The following RBP5 variants were observed in gnomAD, a reference collection of about 807,000 sequenced individuals.
RBP5 encodes the protein retinol-binding protein 5.
In RBP5, 12 loss-of-function variants were observed where a neutral mutation model predicts 17.8. The ratio of observed to expected loss-of-function variants is 0.67; its 90% CI spans 0.43 to 1.09. RBP5 has a LOEUF of 1.09. Ranked by LOEUF, RBP5 falls within the 50% of genes least tolerant of loss-of-function variation. RBP5 has a pLI of 0.00. For synonymous variants in RBP5, 64 were observed against 68.1 expected, an observed-to-expected ratio of 0.94 and a Z score of 0.30; for missense variants, 172 against 169.4, an observed-to-expected ratio of 1.02 and a Z score of -0.09.
chr12:7,123,383 G>A (rs74057832), downstream of RBP5, among the ~76,000 whole-genome samples: 6,455 of 152,148 alleles, frequency 0.042, 445 homozygotes, highest in African/African-American at 0.15. Context: ...CACATCCTCC[G>A]TCTACTTCCT....
At position 7,128,618 on chromosome 12, in the gene RBP5, A is replaced by G. The variant is rs994572265; in HGVS notation, c.73+85T>C. 7 of 1,345,010 alleles carry G rather than the reference A, an allele frequency of 5.2e-6. No individual in the cohort carries two copies. In the Admixed American group the frequency reaches 7.9e-5, roughly 15 times the overall value. 83.3% of individuals were successfully genotyped at this position (1,345,010 alleles called of 1,614,324 possible). The stretch of plus-strand genomic sequence containing the variant: ...CTTTCCACAGTGTCCAACCCCGGGC[A>G]TTCCCTCTTCTCCATGGGACCAAGA... On this transcript the variant is annotated intron_variant, in intron 1 of 3. Transcript: ENST00000266560. The surrounding 1 kb of genome is among the most constrained non-coding windows in gnomAD (Gnocchi z 5.3).
chr12:7,128,467 C>T lies in RBP5; in HGVS notation c.74-49G>A, dbSNP rs1041557806. ...GGGTGCTGCTAGCCAGCCAGGAGCTCCTCTGCCTGCAGCAGCCCCTCAGGG... is the reference window on the plus strand; with the variant it reads ...GGGTGCTGCTAGCCAGCCAGGAGCTTCTCTGCCTGCAGCAGCCCCTCAGGG... On this transcript the variant is annotated intron_variant, in intron 1 of 3. Coordinates refer to ENST00000266560, the MANE Select transcript of RBP5 (RefSeq NM_031491.4). This position sits in a 1 kb window ranked among gnomAD's most constrained non-coding sequence, Gnocchi z 5.3. The T allele has an allele frequency of 1.9e-6, 3 of 1,584,714 alleles. No homozygotes were observed. In the Admixed American group the frequency reaches 5.0e-5, roughly 27 times the overall value.
At chr12:7,126,296 ATAT>A (rs1373298812) in intron 2 of RBP5, among the ~76,000 whole-genome samples, 2 of 152,166 alleles carry the variant, frequency 1.3e-5, no homozygotes, top group Non-Finnish European at 2.9e-5. Flanking sequence ...AATATTCAAA[ATAT>A]TATTATTTCG....
At position 7,123,917 on chromosome 12, in the gene RBP5, A is replaced by G. The variant is rs946459549; in HGVS notation, c.*204T>C. The G allele has an allele frequency of 1.5e-5, 9 of 581,070 alleles. No homozygotes were observed. Among genetic ancestry groups the G allele is most frequent in the African/African-American group, 1.1e-4 (6 of 53,726 alleles). 36.0% of individuals were successfully genotyped at this position (581,070 alleles called of 1,614,324 possible). On this transcript the variant is annotated 3_prime_UTR_variant, in exon 4 of 4. Transcript: ENST00000266560. Reference sequence around the variant, plus strand: ...ACCTTGACCTGGAAGTGAGGTCACTATTGGGCAGTGGAGTGTGAGAAAGGA... The same window carrying G: ...ACCTTGACCTGGAAGTGAGGTCACTGTTGGGCAGTGGAGTGTGAGAAAGGA...
chr12:7,127,321 G>A (rs946306284), intron 2 of RBP5, among the ~76,000 whole-genome samples: 13 of 151,962 alleles, frequency 8.6e-5, no homozygotes, highest in Non-Finnish European at 1.8e-4. Flanking sequence ...GTAGAGATGA[G>A]GTTTCACCAT....
downstream of RBP5, among the ~76,000 whole-genome samples, chr12:7,121,213 G>A (rs770732234): frequency 2.8e-4 from 43 of 152,022 alleles, no homozygotes; most frequent in Non-Finnish European, 5.4e-4. Flanking sequence ...CCTCTTACTT[G>A]GGGTACTTAA....
At position 7,128,499 on chromosome 12, in the gene RBP5, G is replaced by T; in HGVS notation, c.74-81C>A. The T allele has an allele frequency of 6.9e-7, 1 of 1,454,182 alleles. No individual in the cohort carries two copies. Among genetic ancestry groups the T allele is most frequent in the Non-Finnish European group, 9.6e-7 (1 of 1,046,866 alleles). The allele number at this position is 1,454,182 out of a possible 1,614,324, so 90.1% of individuals were successfully genotyped here. On this transcript the variant is annotated intron_variant, in intron 1 of 3. Transcript: ENST00000266560. The surrounding 1 kb of genome is among the most constrained non-coding windows in gnomAD (Gnocchi z 5.3). ...CTGCAGCAGCCCCTCAGGGCTGTGA[G>T]TTTCCCTTCTTTGGGTCTGGGACTG...
intron 2 of RBP5, chr12:7,127,589 T>C (rs61917920): frequency 0.089 from 57,078 of 644,344 alleles, 3,309 homozygotes; most frequent in South Asian, 0.2. Flanking sequence ...CATTTGCAGT[T>C]TGCTGAAGCT....
In RBP5 at chr12:7,128,512, G is replaced by T; in HGVS notation, c.74-94C>A. 1 of 1,384,954 alleles carries T rather than the reference G, an allele frequency of 7.2e-7. No homozygotes were observed. Among genetic ancestry groups the T allele is most frequent in the East Asian group, 2.3e-5 (1 of 42,810 alleles). The allele number at this position is 1,384,954 out of a possible 1,614,324, so 85.8% of individuals were successfully genotyped here. ...TCAGGGCTGTGAGTTTCCCTTCTTTGGGTCTGGGACTGTGGATTCACCCCC... is the reference window on the plus strand; with the variant it reads ...TCAGGGCTGTGAGTTTCCCTTCTTTTGGTCTGGGACTGTGGATTCACCCCC... On this transcript the variant is annotated intron_variant, in intron 1 of 3. Transcript: ENST00000266560. The surrounding 1 kb of genome is among the most constrained non-coding windows in gnomAD (Gnocchi z 5.3).
chr12:7,125,896 AAGTAGACCC>A, intron 2 of RBP5, among the ~76,000 whole-genome samples: 6 of 152,136 alleles, frequency 3.9e-5, no homozygotes, highest in African/African-American at 1.4e-4. Flanking sequence ...TTTATGTTTT[AAGTAGACCC>A]TGTGGCTACA....
intron 2 of RBP5, among the ~76,000 whole-genome samples, chr12:7,126,996 T>A (rs1206802583): frequency 6.9e-6 from 1 of 145,440 alleles, no homozygotes; most frequent in Non-Finnish European, 1.5e-5. Context: ...GTATTTTTTT[T>A]TTTTTTTTTT....
chr12:7,127,501 G>A, intron 2 of RBP5: 1 of 602,046 alleles, frequency 1.7e-6, no homozygotes, highest in Non-Finnish European at 3.0e-6. Context: ...TCTGTAAATA[G>A]TTGCTATACT....
chr12:7,117,910 TA>T lies in RBP5; in HGVS notation n.890-604del, dbSNP rs1939025267. On this transcript the variant is annotated intron_variant and non_coding_transcript_variant, in intron 3 of 3. Transcript: ENST00000619522. The surrounding 1 kb of genome is among the most constrained non-coding windows in gnomAD (Gnocchi z 4.9). ...CAAAGTCCTTTAGTAAAGGACTCTT[TA>T]AATTCACTCCATCTGTGCTTTGCTT... 6.6e-6 allele frequency: 1 copy of T among 152,212 alleles called. No homozygotes were observed. Among genetic ancestry groups the T allele is most frequent in the South Asian group, 2.1e-4 (1 of 4,830 alleles). The allele number at this position is 152,212 out of a possible 1,614,324, so 9.4% of individuals were successfully genotyped here.
chr12:7,124,301 G>T lies in RBP5; in HGVS notation c.355-127C>A. ...AGCAGCTTGAGTGTTTGATGTATGGGCAATTGTATCATTATTCCACATCCT... is the reference window on the plus strand; with the variant it reads ...AGCAGCTTGAGTGTTTGATGTATGGTCAATTGTATCATTATTCCACATCCT... On this transcript the variant is annotated intron_variant, in intron 3 of 3. Transcript: ENST00000266560. The surrounding 1 kb of genome is among the most constrained non-coding windows in gnomAD (Gnocchi z 5.3). 2.5e-6 allele frequency: 2 copies of T among 803,704 alleles called. No homozygotes were observed. The highest frequency in any genetic ancestry group is 4.2e-6 in the Non-Finnish European group (2 of 474,408). 49.8% of individuals were successfully genotyped at this position (803,704 alleles called of 1,614,324 possible).
chr12:7,121,451 A>G (rs1352878123), downstream of RBP5, among the ~76,000 whole-genome samples: 2 of 152,106 alleles, frequency 1.3e-5, no homozygotes, highest in East Asian at 1.9e-4. Context: ...CTCCTTTTCA[A>G]CATATAGGCC....
chr12:7,120,697 G>A (rs747508569), downstream of RBP5: 16 of 155,108 alleles, frequency 1.0e-4, no homozygotes, highest in South Asian at 1.8e-3. Flanking sequence ...AGAGGGAGCC[G>A]GGGAGACTTC....
rs983404097 is a variant in RBP5 at position 7,123,869 on chromosome 12, GCTT to G, written c.*249_*251del. The G allele has an allele frequency of 6.0e-5, 29 of 480,508 alleles. No individual in the cohort carries two copies. Among genetic ancestry groups the G allele is most frequent in the Admixed American group, 1.3e-4 (4 of 29,934 alleles). 29.8% of individuals were successfully genotyped at this position (480,508 alleles called of 1,614,324 possible). ...TCTCAGGGGCTCCTTCCCTTTGCCT[GCTT>G]CTTTCATTTGGGACGCCAGACCTTG... On this transcript the variant is annotated 3_prime_UTR_variant, in exon 4 of 4. Coordinates refer to ENST00000266560, the MANE Select transcript of RBP5 (RefSeq NM_031491.4).
chr12:7,124,806 G>T lies in RBP5; in HGVS notation c.253-76C>A. On this transcript the variant is annotated intron_variant, in intron 2 of 3. Coordinates refer to ENST00000266560, the MANE Select transcript of RBP5 (RefSeq NM_031491.4). This position sits in a 1 kb window ranked among gnomAD's most constrained non-coding sequence, Gnocchi z 5.3. ...ATGCTTCCCATCTCACTCTGAATGG[G>T]CTCCCCCTTTTACTCCACAGCAGAT... 2 of 858,608 alleles carry T rather than the reference G, an allele frequency of 2.3e-6. No homozygotes were observed. Among genetic ancestry groups the T allele is most frequent in the Non-Finnish European group, 2.0e-6 (1 of 504,046 alleles). The allele number at this position is 858,608 out of a possible 1,614,324, so 53.2% of individuals were successfully genotyped here.
rs539377378 is a variant in RBP5 at position 7,124,908 on chromosome 12, G to GT, written c.253-179dup. On this transcript the variant is annotated intron_variant, in intron 2 of 3. Coordinates refer to ENST00000266560, the MANE Select transcript of RBP5 (RefSeq NM_031491.4). The surrounding 1 kb of genome is among the most constrained non-coding windows in gnomAD (Gnocchi z 5.3). ...GGACTCCCTTTCCACCCTACTCTTT[G>GT]TTTTTTGTGTTTTTTTGAGACAAGT... Among the ~76,000 whole-genome samples, 12 of 152,034 alleles carry GT rather than the reference G, an allele frequency of 7.9e-5. No homozygotes were observed. The highest frequency in any genetic ancestry group is 3.9e-4 in the East Asian group (2 of 5,178).
Sources: gnomAD v4.1 joint callset for allele counts (sites outside exome capture counted in the v4.1 genomes callset) on GRCh38, gnomAD v4.1.1 for gene constraint, Gnocchi (gnomAD v3.1) non-coding constraint, MANE v1.5 for transcripts, NCBI Gene and HGNC (gene_info 2026-07-23, HGNC 2026-07-21) for gene names.